GPC5: variants seen among roughly 807,000 people sequenced by gnomAD.
GPC5 encodes the protein glypican-5.
Under a neutral mutation model 53.9 loss-of-function variants are expected in GPC5, and 47 were observed. The ratio of observed to expected loss-of-function variants is 0.87; its 90% confidence interval spans 0.69 to 1.11. The LOEUF (loss-of-function observed/expected upper bound fraction) is 1.11. GPC5 is among the 50% of genes most tolerant of loss of function. The pLI, the probability that GPC5 is intolerant of heterozygous loss-of-function variation, is 0.00. For missense variants in GPC5, 748 were observed against 713.1 expected, an observed-to-expected ratio of 1.05 and a Z score of -0.56; for synonymous variants, 286 against 263.3, an observed-to-expected ratio of 1.09 and a Z score of -0.84.
chr13:91,733,865 T>G (rs1350640554), intron 4 of GPC5, among the ~76,000 whole-genome samples: 1 of 152,236 alleles, frequency 6.6e-6, no homozygotes, highest in Non-Finnish European at 1.5e-5. Flanking sequence ...CAATACTGTG[T>G]TGAATAAGAG....
intron 7 of GPC5, among the ~76,000 whole-genome samples, chr13:92,313,883 G>T (rs80141438): frequency 0.029 from 4,410 of 152,168 alleles, 147 homozygotes; most frequent in African/African-American, 0.084. Context: ...TTTCACACAA[G>T]AGTGAAGAAA....
chr13:91,564,909 C>A (rs7984663), intron 2 of GPC5, among the ~76,000 whole-genome samples: 61,288 of 151,102 alleles, frequency 0.41, 14,632 homozygotes, highest in African/African-American at 0.68. Flanking sequence ...TAAAATAATT[C>A]AAGGTCATAA....
chr13:91,804,650 G>A (rs1025311318), intron 5 of GPC5, among the ~76,000 whole-genome samples: 15 of 152,204 alleles, frequency 9.9e-5, no homozygotes, highest in South Asian at 8.3e-4. Flanking sequence ...GATAATTCTC[G>A]CTAATTTTAA....
intron 7 of GPC5, among the ~76,000 whole-genome samples, chr13:92,198,197 A>G (rs971847612): frequency 6.6e-6 from 1 of 152,118 alleles, no homozygotes; most frequent in Non-Finnish European, 1.5e-5. Context: ...GTCTTGTTAC[A>G]TGTTTGTCTA....
intron 7 of GPC5, among the ~76,000 whole-genome samples, chr13:92,790,540 CT>C (rs1314281023): frequency 2.6e-5 from 4 of 152,038 alleles, no homozygotes; most frequent in Admixed American, 2.6e-4. Flanking sequence ...ATTAAGTGTG[CT>C]TGTGCGAAGA....
rs529393835 is a variant in GPC5 at position 92,430,077 on chromosome 13, A to G, written c.1561+285088A>G. 3.3e-5 allele frequency among the ~76,000 whole-genome samples: 5 copies of G among 152,212 alleles called. No individual in the cohort carries two copies. In the East Asian group the frequency reaches 9.7e-4, roughly 29 times the overall value. On this transcript the variant is annotated intron_variant, in intron 7 of 7. Coordinates refer to ENST00000377067, the MANE Select transcript of GPC5 (RefSeq NM_004466.6). ...ACTATTTCAGAACAGCATGTTGTAC[A>G]TAATAAATAGATACAACTTTTAGTC...
chr13:91,728,706 A>C, intron 4 of GPC5, 41 bp downstream of exon 4: 2 of 1,589,210 alleles, frequency 1.3e-6, no homozygotes, highest in Non-Finnish European at 8.6e-7. Flanking sequence ...AAAAGAAAGT[A>C]AGCCATTAAT....
intron 7 of GPC5, among the ~76,000 whole-genome samples, chr13:92,193,887 G>A (rs920025658): frequency 9.2e-5 from 14 of 151,966 alleles, no homozygotes; most frequent in African/African-American, 2.9e-4. Flanking sequence ...AGGTAATTAC[G>A]TACTGCTATA....
intron 7 of GPC5, among the ~76,000 whole-genome samples, chr13:92,517,915 G>A (rs1467858954): frequency 2.0e-5 from 3 of 152,146 alleles, no homozygotes; most frequent in African/African-American, 7.2e-5. Context: ...ATGCAAAGAA[G>A]TTAAAAACCT....
chr13:91,804,572 GC>G (rs2038190182), intron 5 of GPC5, among the ~76,000 whole-genome samples: 1 of 152,126 alleles, frequency 6.6e-6, no homozygotes, highest in Non-Finnish European at 1.5e-5. Context: ...TCAAAAGGAG[GC>G]TTGGCAATTT....
At chr13:91,848,211 A>T (rs2038874124) in intron 5 of GPC5, among the ~76,000 whole-genome samples, 1 of 152,224 alleles carries the variant, frequency 6.6e-6, no homozygotes, top group African/African-American at 2.4e-5. Flanking sequence ...TCACCTTGAA[A>T]ACATAACTTG....
chr13:92,781,083 G>A (rs990565960), intron 7 of GPC5, among the ~76,000 whole-genome samples: 2 of 152,084 alleles, frequency 1.3e-5, no homozygotes, highest in African/African-American at 2.4e-5. Flanking sequence ...GAAGACAGAG[G>A]TTTTCTTAAC....
chr13:92,834,304 C>T (rs1878150847), intron 7 of GPC5, among the ~76,000 whole-genome samples: 3 of 152,006 alleles, frequency 2.0e-5, no homozygotes, highest in Admixed American at 1.3e-4. Context: ...ATATTTTACT[C>T]CAACCTGTTA....
At chr13:91,409,487 A>T (rs1404828215) in intron 1 of GPC5, among the ~76,000 whole-genome samples, 1 of 152,190 alleles carries the variant, frequency 6.6e-6, no homozygotes, top group South Asian at 2.1e-4. Context: ...CACACAAAAA[A>T]CTTCAGGTTT....
At chr13:92,527,241 GAAAGAAAGAGAAAGAA>G (rs1483642307) in intron 7 of GPC5, among the ~76,000 whole-genome samples, 1,112 of 36,516 alleles carry the variant, frequency 0.03, 75 homozygotes, top group Middle Eastern at 0.091. Flanking sequence ...AAGAAAGAAA[GAAAGAAAGAGAAAGAA>G]AGAAAGAAAG....
chr13:92,164,433 AG>A (rs1201700273), intron 7 of GPC5, among the ~76,000 whole-genome samples: 1 of 152,176 alleles, frequency 6.6e-6, no homozygotes, highest in Non-Finnish European at 1.5e-5. Flanking sequence ...AAAATCCAAT[AG>A]GGCAGTCATT....
At chr13:91,478,584 T>C (rs1283624692) in intron 2 of GPC5, among the ~76,000 whole-genome samples, 1 of 151,498 alleles carries the variant, frequency 6.6e-6, no homozygotes, top group East Asian at 1.9e-4. Flanking sequence ...TGTAAATGAT[T>C]GAATTTTGAA....
chr13:91,668,954 G>A (rs182103994), intron 2 of GPC5, among the ~76,000 whole-genome samples: 9 of 152,226 alleles, frequency 5.9e-5, no homozygotes, highest in Admixed American at 2.0e-4. Flanking sequence ...AATAGCACAC[G>A]TTGATTAACT....
chr13:92,007,850 C>T (rs928649264), intron 6 of GPC5, among the ~76,000 whole-genome samples: 1 of 152,002 alleles, frequency 6.6e-6, no homozygotes, highest in Non-Finnish European at 1.5e-5. Flanking sequence ...ATGAAATAGG[C>T]ACTGGCAACG....
Sources: allele counts gnomAD v4.1 joint callset (sites outside exome capture counted in the v4.1 genomes callset), GRCh38; gene constraint gnomAD v4.1.1; transcripts MANE v1.5; gene names NCBI Gene and HGNC (gene_info 2026-07-23, HGNC 2026-07-21).